The following IRS2 variants were observed in gnomAD, a reference collection of about 807,000 sequenced individuals.
IRS2 encodes the protein insulin receptor substrate 2.
IRS2 carries 28 observed loss-of-function variants against 70.9 expected under a neutral mutation model. The ratio of observed to expected loss-of-function variants is 0.39; its 90% CI spans 0.29 to 0.54. The LOEUF is 0.54. IRS2 is among the 20% of genes least tolerant of loss of function. The pLI, the probability that IRS2 is intolerant of heterozygous loss-of-function variation, is 0.59. For missense variants in IRS2, 2,081 were observed against 2,024.1 expected (o/e 1.03, Z -0.54); for synonymous variants, 1,217 against 981.9 (o/e 1.24, Z -4.48).
intron 1 of IRS2, among the ~76,000 whole-genome samples, chr13:109,767,084 G>A (rs911275723): frequency 1.1e-4 from 16 of 152,330 alleles, no homozygotes; most frequent in Non-Finnish European, 2.1e-4. Flanking sequence ...GGACATGGAG[G>A]GAGGTTTGGA....
chr13:109,784,439 A>T lies in IRS2; in HGVS notation c.1615T>A (p.Phe539Ile). The T allele has an allele frequency of 6.3e-7, 1 of 1,588,254 alleles. No homozygotes were observed. The highest frequency in any genetic ancestry group is 8.6e-7 in the Non-Finnish European group (1 of 1,165,126). The change falls in exon 1 of 2, where the codon TTC (phenylalanine) becomes ATC (isoleucine). Residue 539 changes from phenylalanine (F) to isoleucine (I), a missense_variant. Phe to Ile is a conservative substitution (Grantham distance 21). Coordinates refer to ENST00000375856, the MANE Select transcript of IRS2 (RefSeq NM_003749.3). The surrounding 1 kb of genome is among the most constrained non-coding windows in gnomAD (Gnocchi z 5.2). Reference protein sequence around the residue: ...PARDGGGGGEFYGYMTMDRPL... With the variant: ...PARDGGGGGEIYGYMTMDRPL... ...CTGTCCATGGTCATGTACCCGTAGA[A>T]CTCACCGCCGCCGCCGCCGTCTCGG...
Position 109,785,013 on chromosome 13 carries a change from C to T in IRS2, c.1041G>A (p.Leu347=), listed in dbSNP as rs1172035722. The T allele has an allele frequency of 2.8e-6, 4 of 1,439,474 alleles. No homozygotes were observed. Among genetic ancestry groups the T allele is most frequent in the Admixed American group, 5.5e-5 (2 of 36,462 alleles). 89.2% of individuals were successfully genotyped at this position (1,439,474 alleles called of 1,614,324 possible). A position where few individuals can be genotyped will look rare whatever the true frequency, so the allele number is the denominator to read the frequency against. The stretch of plus-strand genomic sequence containing the variant: ...ACTTGGCCGCCGGCGGGGTGGCGGC[C>T]AGGCTGTCGGTGCGCGAGCGGCGCA... ...GLVRRSRTDS[L]AATPPAAKCS... Residue 347 remains leucine, a synonymous_variant, in exon 1 of 2, where the codon CTG becomes CTA. Transcript: ENST00000375856. This position sits in a 1 kb window ranked among gnomAD's most constrained non-coding sequence, Gnocchi z 9.3.
At position 109,784,451 on chromosome 13, in the gene IRS2, C is replaced by T. The variant is rs2138935813; in HGVS notation, c.1603G>A (p.Gly535Ser). The change falls in exon 1 of 2, where the codon GGC (glycine) becomes AGC (serine). Residue 535 changes from glycine (G) to serine (S), a missense_variant. Physicochemically the swap from Gly to Ser is moderately conservative, Grantham distance 56. Coordinates refer to ENST00000375856, the MANE Select transcript of IRS2 (RefSeq NM_003749.3). The surrounding 1 kb of genome is among the most constrained non-coding windows in gnomAD (Gnocchi z 5.2). ...ATGTACCCGTAGAACTCACCGCCGC[C>T]GCCGCCGTCTCGGGCCGGGGGCGTC... ...AETPPARDGGGGGEFYGYMTM... is the reference protein window; with the variant it reads ...AETPPARDGGSGGEFYGYMTM... 1.3e-6 allele frequency: 2 copies of T among 1,584,110 alleles called. No individual in the cohort carries two copies. The highest frequency in any genetic ancestry group is 1.7e-6 in the Non-Finnish European group (2 of 1,161,722).
At chr13:109,765,109 G>A (rs892397626) in intron 1 of IRS2, among the ~76,000 whole-genome samples, 4 of 152,084 alleles carry the variant, frequency 2.6e-5, no homozygotes, top group Admixed American at 6.5e-5. Context: ...GCTGGGCTCC[G>A]CCTGGTCCAG....
chr13:109,776,525 T>C (rs1176949113), intron 1 of IRS2, among the ~76,000 whole-genome samples: 1 of 152,234 alleles, frequency 6.6e-6, no homozygotes, highest in East Asian at 1.9e-4. Context: ...TCAGAATTCT[T>C]ATGTAATGAA....
rs375324802 is a variant in IRS2 at position 109,755,214 on chromosome 13, C to CTTTTTTTTTT, written c.*1080_*1089dup. On this transcript the variant is annotated 3_prime_UTR_variant, in exon 2 of 2. Coordinates refer to ENST00000375856, the MANE Select transcript of IRS2 (RefSeq NM_003749.3). ...CTCTTTTTATCAGTTTCTTTCTTTCCTTTTTTTTTTTTCTTTTTGTTTTTT... is the reference window on the plus strand; with the variant it reads ...CTCTTTTTATCAGTTTCTTTCTTTCCTTTTTTTTTTTTTTTTTTTTTTCTTTTTGTTTTTT... 3.6e-5 allele frequency: 7 copies of CTTTTTTTTTT among 194,000 alleles called. No homozygotes were observed. The highest frequency in any genetic ancestry group is 2.0e-4 in the South Asian group (1 of 5,028). The allele number at this position is 194,000 out of a possible 1,614,324, so 12.0% of individuals were successfully genotyped here. A position where few individuals can be genotyped will look rare whatever the true frequency, so the allele number is the denominator to read the frequency against.
chr13:109,773,488 C>T (rs929651110), intron 1 of IRS2, among the ~76,000 whole-genome samples: 37 of 152,316 alleles, frequency 2.4e-4, no homozygotes, highest in African/African-American at 7.5e-4. Flanking sequence ...ACTGTGTCAC[C>T]GCCCAGGCTG....
At chr13:109,757,665 A>G (rs1364964142) in intron 1 of IRS2, among the ~76,000 whole-genome samples, 2 of 152,150 alleles carry the variant, frequency 1.3e-5, no homozygotes, top group African/African-American at 4.8e-5. Context: ...AGGCTGTTTT[A>G]TCTATTTTAT....
intron 1 of IRS2, among the ~76,000 whole-genome samples, chr13:109,773,433 T>G (rs780608291): frequency 6.6e-6 from 1 of 152,208 alleles, no homozygotes; most frequent in Non-Finnish European, 1.5e-5. Context: ...AGCACCTGTC[T>G]TAGAGACACA....
At chr13:109,781,888 G>C (rs1444668402) in intron 1 of IRS2, among the ~76,000 whole-genome samples, 154 bp downstream of exon 1, 1 of 152,212 alleles carries the variant, frequency 6.6e-6, no homozygotes, top group Non-Finnish European at 1.5e-5. Flanking sequence ...GAAGAGAACA[G>C]GGCAGCCCGC....
rs1877928166 is a variant in IRS2, at chr13:109,786,353, G to A, written c.-300C>T. Reference sequence around the variant, plus strand: ...TCCTCGGGCTCTCGGGCGGCGCCGGGGGACGCGCTCGCTGGGCCGGGAGTC... The same window carrying A: ...TCCTCGGGCTCTCGGGCGGCGCCGGAGGACGCGCTCGCTGGGCCGGGAGTC... On this transcript the variant is annotated 5_prime_UTR_variant, in exon 1 of 2. Coordinates refer to ENST00000375856, the MANE Select transcript of IRS2 (RefSeq NM_003749.3). This position sits in a 1 kb window ranked among gnomAD's most constrained non-coding sequence, Gnocchi z 4.4. The A allele has an allele frequency of 6.8e-6, 1 of 146,992 alleles. No homozygotes were observed. The allele number at this position is 146,992 out of a possible 1,614,324, so 9.1% of individuals were successfully genotyped here. A position where few individuals can be genotyped will look rare whatever the true frequency, so the allele number is the denominator to read the frequency against.
rs748211544 is a variant in IRS2 at position 109,767,728 on chromosome 13, CTT to C, written c.4013-11422_4013-11421del. ...TGGAAAATCAGCTCGACCATTTTTC[CTT>C]TTTTTTTTTTTTTTTTTTTTGAGAT... On this transcript the variant is annotated intron_variant, in intron 1 of 1. Transcript: ENST00000375856. Among the ~76,000 whole-genome samples the C allele has an allele frequency of 2.6e-3, 309 of 119,726 alleles. 2 individuals carry two copies. The highest frequency in any genetic ancestry group is 6.8e-3 in the African/African-American group (212 of 31,174). The allele number at this position is 119,726 out of a possible 152,430, so 78.5% of individuals were successfully genotyped here. A position where few individuals can be genotyped will look rare whatever the true frequency, so the allele number is the denominator to read the frequency against.
rs1376180520 is a variant in IRS2 at position 109,786,097 on chromosome 13, G to C, written c.-44C>G. On this transcript the variant is annotated 5_prime_UTR_variant, in exon 1 of 2. Transcript: ENST00000375856. The surrounding 1 kb of genome is among the most constrained non-coding windows in gnomAD (Gnocchi z 4.4). Reference sequence around the variant, plus strand: ...CGCGGCCCGGGCCCGGCGCCCAGGGGTTGGGGCGAGGGGCGGAGGGGGCGC... The same window carrying C: ...CGCGGCCCGGGCCCGGCGCCCAGGGCTTGGGGCGAGGGGCGGAGGGGGCGC... The C allele has an allele frequency of 6.0e-6, 6 of 1,006,938 alleles. No homozygotes were observed. Among genetic ancestry groups the C allele is most frequent in the Non-Finnish European group, 7.1e-6 (6 of 847,042 alleles). The allele number at this position is 1,006,938 out of a possible 1,614,324, so 62.4% of individuals were successfully genotyped here. A position where few individuals can be genotyped will look rare whatever the true frequency, so the allele number is the denominator to read the frequency against.
At chr13:109,775,921 G>A (rs1030699029) in intron 1 of IRS2, among the ~76,000 whole-genome samples, 15 of 152,112 alleles carry the variant, frequency 9.9e-5, no homozygotes, top group Non-Finnish European at 1.9e-4. Context: ...AGGCTGAGGC[G>A]GGAAGATCAC....
At position 109,782,169 on chromosome 13, in the gene IRS2, G is replaced by A. The variant is rs1307499699; in HGVS notation, c.3885C>T (p.Ser1295=). 1.2e-6 allele frequency: 2 copies of A among 1,604,882 alleles called. No homozygotes were observed. The highest frequency in any genetic ancestry group is 1.7e-5 in the Admixed American group (1 of 59,108). The part of the protein sequence containing the change: ...GRTRSLGGLI[S]AVGVGSTGGG... ...CGCCGGTGCTGCCGACGCCCACAGC[G>A]CTGATGAGACCCCCGAGGCTTCGGG... The change falls in exon 1 of 2, where the codon AGC becomes AGT. Residue 1295 remains serine, a synonymous_variant. Transcript: ENST00000375856.
At chr13:109,757,702 G>A (rs1325004689) in intron 1 of IRS2, among the ~76,000 whole-genome samples, 1 of 152,106 alleles carries the variant, frequency 6.6e-6, no homozygotes, top group East Asian at 1.9e-4. Context: ...TCTTTTTTAA[G>A]ATGGAGTCTT....
chr13:109,778,614 A>T (rs1052753475), intron 1 of IRS2, among the ~76,000 whole-genome samples: 2 of 152,218 alleles, frequency 1.3e-5, no homozygotes, highest in Non-Finnish European at 2.9e-5. Context: ...CTGCTTTACG[A>T]CTTCAAAAGG....
chr13:109,783,162 G>A lies in IRS2; in HGVS notation c.2892C>T (p.Gly964=). 7.2e-7 allele frequency: 1 copy of A among 1,380,854 alleles called. No homozygotes were observed. Among genetic ancestry groups the A allele is most frequent in the Non-Finnish European group, 9.3e-7 (1 of 1,073,350 alleles). 85.5% of individuals were successfully genotyped at this position (1,380,854 alleles called of 1,614,324 possible). The stretch of plus-strand genomic sequence containing the variant: ...ACCGCTGCCGGCTGTCGCTGCTGGT[G>A]CCCGGGGTGCCTGAGCCCAGCGACG... The part of the protein sequence containing the change: ...PASSLGSGTP[G]TSSDSRQRSP... The change falls in exon 1 of 2, where the codon GGC becomes GGT. Residue 964 remains glycine, a synonymous_variant. Coordinates refer to ENST00000375856, the MANE Select transcript of IRS2 (RefSeq NM_003749.3).
At chr13:109,759,447 C>T (rs915201765) in intron 1 of IRS2, among the ~76,000 whole-genome samples, 10 of 152,154 alleles carry the variant, frequency 6.6e-5, no homozygotes, top group African/African-American at 2.2e-4. Flanking sequence ...GAGGAAAAGG[C>T]TGGAGCACAC....
Sources: allele counts gnomAD v4.1 joint callset (sites outside exome capture counted in the v4.1 genomes callset), GRCh38; gene constraint gnomAD v4.1.1; non-coding constraint Gnocchi (gnomAD v3.1); transcripts MANE v1.5; gene names NCBI Gene and HGNC (gene_info 2026-07-23, HGNC 2026-07-21).